Variants in SCARA3 observed in about 807,000 individuals in gnomAD.
The protein encoded by SCARA3 is scavenger receptor class A member 3.
A neutral mutation model predicts 47.0 loss-of-function variants in SCARA3; 39 were observed. The observed-to-expected ratio is 0.83, with a 90% CI of 0.64 to 1.08. The LOEUF (loss-of-function observed/expected upper bound fraction) is 1.08, where lower values mean the gene tolerates loss of function less well. Among genes scored for constraint, SCARA3 ranks in the 50% least tolerant of loss-of-function variants. SCARA3 has a pLI of 0.00. For missense variants in SCARA3, 724 were observed against 792.3 expected, an observed-to-expected ratio of 0.91 and a Z score of 1.04; for synonymous variants, 356 against 334.1, an observed-to-expected ratio of 1.07 and a Z score of -0.71.
At chr8:27,690,411 T>G in the SCARA3 span, among the ~76,000 whole-genome samples, 1 of 152,228 alleles carries the variant, frequency 6.6e-6, no homozygotes, top group Non-Finnish European at 1.5e-5. Flanking sequence ...TCTGTCTCCC[T>G]CTTTCTCTCA....
chr8:27,648,398 A>G (rs1801553743), intron 1 of SCARA3, among the ~76,000 whole-genome samples: 1 of 152,184 alleles, frequency 6.6e-6, no homozygotes, highest in Non-Finnish European at 1.5e-5. Flanking sequence ...CGGTCAGGAG[A>G]TGGAGACCAT....
Position 27,671,191 on chromosome 8 carries a change from C to A in SCARA3, c.1661C>A (p.Ser554Tyr). The A allele has an allele frequency of 6.6e-7, 1 of 1,511,946 alleles. No individual in the cohort carries two copies. The highest frequency in any genetic ancestry group is 1.3e-5 in the South Asian group (1 of 78,168). 93.7% of individuals were successfully genotyped at this position (1,511,946 alleles called of 1,614,324 possible). A position where few individuals can be genotyped will look rare whatever the true frequency, so the allele number is the denominator to read the frequency against. The change falls in exon 6 of 6, where the codon TCT (serine) becomes TAT (tyrosine). Residue 554 changes from serine (S) to tyrosine (Y), a missense_variant. Physicochemically the swap from Ser to Tyr is moderately radical, Grantham distance 144. Transcript: ENST00000301904. ...CCAGGGCCAGAAGGGCCCCCGGGGT[C>A]TCCAGGGCCCTCAGGGCCTCAGGGA... ...GPPGPEGPPG[S>Y]PGPSGPQGKP...
At chr8:27,649,822 C>G in intron 2 of SCARA3, 22 bp downstream of exon 2, 1 of 1,588,728 alleles carries the variant, frequency 6.3e-7, no homozygotes, top group East Asian at 2.2e-5. Flanking sequence ...GGGGCTGCCC[C>G]TGATCTCCGC....
the SCARA3 span, among the ~76,000 whole-genome samples, chr8:27,712,534 G>C: frequency 1.5e-5 from 2 of 133,178 alleles, no homozygotes; most frequent in African/African-American, 5.7e-5. Context: ...CTGCACTCCA[G>C]CCTGGGTGAC....
At chr8:27,699,055 T>C in the SCARA3 span, among the ~76,000 whole-genome samples, 1 of 151,724 alleles carries the variant, frequency 6.6e-6, no homozygotes, top group East Asian at 2.0e-4. Context: ...CCATCCTGGC[T>C]AACATGGTGA....
intron 1 of SCARA3, among the ~76,000 whole-genome samples, chr8:27,639,172 C>A (rs1320062014): frequency 3.3e-5 from 5 of 152,160 alleles, no homozygotes; most frequent in African/African-American, 1.2e-4. Flanking sequence ...TGCCCCAGCC[C>A]ACACTTTTCA....
intron 1 of SCARA3, 78 bp from the exon 2 acceptor site, chr8:27,649,624 A>C: frequency 7.4e-7 from 1 of 1,347,486 alleles, no homozygotes; most frequent in Non-Finnish European, 1.1e-6. Flanking sequence ...GGCATGGGAT[A>C]TGGGGACAGG....
At chr8:27,669,176 G>A (rs879811195) in intron 5 of SCARA3, among the ~76,000 whole-genome samples, 3 of 152,204 alleles carry the variant, frequency 2.0e-5, no homozygotes, top group Non-Finnish European at 2.9e-5. Context: ...CAGACAGGGA[G>A]GAGGGAGTGG....
At chr8:27,656,738 T>G in intron 3 of SCARA3, 44 bp from the exon 4 acceptor site, 7 of 1,241,558 alleles carry the variant, frequency 5.6e-6, no homozygotes, top group Non-Finnish European at 8.3e-6. Context: ...GCTGTTTCTC[T>G]GAGCTTAGAC....
At chr8:27,703,460 T>C in the SCARA3 span, 1 of 152,214 alleles carries the variant, frequency 6.6e-6, no homozygotes, top group African/African-American at 2.4e-5. Flanking sequence ...GGGCCCAGAA[T>C]TGAGATCTGA....
chr8:27,638,556 C>G (rs1801309945), intron 1 of SCARA3, among the ~76,000 whole-genome samples: 1 of 152,148 alleles, frequency 6.6e-6, no homozygotes, highest in South Asian at 2.1e-4. Flanking sequence ...GTTCAGTGTG[C>G]ACATCTGTAC....
At chr8:27,728,537 C>T in the SCARA3 span, among the ~76,000 whole-genome samples, 1 of 152,202 alleles carries the variant, frequency 6.6e-6, no homozygotes, top group African/African-American at 2.4e-5. Flanking sequence ...CCACCTTCTC[C>T]AGCCTCCACT....
downstream of SCARA3, among the ~76,000 whole-genome samples, chr8:27,679,675 C>G (rs1802329597): frequency 6.6e-6 from 1 of 152,162 alleles, no homozygotes; most frequent in Non-Finnish European, 1.5e-5. Flanking sequence ...ACATTATTTT[C>G]AAGGGCACAT....
At chr8:27,651,667 G>C (rs774834441) in intron 3 of SCARA3, 40 bp downstream of exon 3, 4 of 1,608,590 alleles carry the variant, frequency 2.5e-6, no homozygotes, top group Non-Finnish European at 3.4e-6. Context: ...GCAGGGGGGT[G>C]TCTGATCAGG....
chr8:27,659,493 G>A lies in SCARA3; in HGVS notation c.1323G>A (p.Val441=). Residue 441 remains valine (V), a synonymous_variant, in exon 5 of 6, where the codon GTG becomes GTA. Transcript: ENST00000301904. The part of the protein sequence containing the change: ...LSMIVEEMKA[V]DTQHGEILRN... Reference sequence around the variant, plus strand: ...TGATCGTGGAGGAGATGAAGGCAGTGGACACACAGCATGGAGAAATCCTTC... The same window carrying A: ...TGATCGTGGAGGAGATGAAGGCAGTAGACACACAGCATGGAGAAATCCTTC... The A allele has an allele frequency of 1.2e-6, 2 of 1,613,762 alleles. No homozygotes were observed. Among genetic ancestry groups the A allele is most frequent in the Non-Finnish European group, 1.7e-6 (2 of 1,179,864 alleles).
At chr8:27,637,638 C>G (rs553562158) in intron 1 of SCARA3, among the ~76,000 whole-genome samples, 1 of 151,952 alleles carries the variant, frequency 6.6e-6, no homozygotes, top group African/African-American at 2.4e-5. Flanking sequence ...CTCTTTGCCC[C>G]GAGAGACTTC....
At chr8:27,646,963 A>ACCCCCCCCCCT (rs1192971472) in intron 1 of SCARA3, among the ~76,000 whole-genome samples, 1 of 26,634 alleles carries the variant, frequency 3.8e-5, no homozygotes, top group African/African-American at 1.2e-4. Flanking sequence ...CGCACCCCTG[A>ACCCCCCCCCCT]CCGCCCCCGC....
chr8:27,712,250 G>C, the SCARA3 span, among the ~76,000 whole-genome samples: 6 of 152,128 alleles, frequency 3.9e-5, no homozygotes, highest in Non-Finnish European at 8.8e-5. Context: ...GCTTCTTTCT[G>C]TTAGTAATAT....
At chr8:27,698,111 A>C in the SCARA3 span, among the ~76,000 whole-genome samples, 2 of 152,248 alleles carry the variant, frequency 1.3e-5, no homozygotes, top group Non-Finnish European at 2.9e-5. Flanking sequence ...AGACATTTTC[A>C]GATCAATGAA....
Sources: allele counts gnomAD v4.1 joint callset (sites outside exome capture counted in the v4.1 genomes callset), GRCh38; gene constraint gnomAD v4.1.1; transcripts MANE v1.5; gene names NCBI Gene and HGNC (gene_info 2026-07-23, HGNC 2026-07-21).